The following EIF2B3 variants were observed in gnomAD, a reference collection of about 807,000 sequenced individuals.
The protein encoded by EIF2B3 is eukaryotic translation initiation factor 2B subunit gamma, also known as translation initiation factor eIF2B subunit gamma.
Under a neutral mutation model 54.1 loss-of-function variants are expected in EIF2B3, and 20 were observed. The observed-to-expected ratio is 0.37, with a 90% CI of 0.26 to 0.54. EIF2B3 has a LOEUF of 0.54. EIF2B3 is among the 20% of genes least tolerant of loss of function. The pLI is 0.86. For synonymous variants in EIF2B3, 153 were observed against 188.1 expected (o/e 0.81, Z 1.52); for missense variants, 448 against 547.8 (o/e 0.82, Z 1.82).
In EIF2B3 at chr1:44,982,147, T is replaced by A. The variant is rs577361625; in HGVS notation, c.-9-970A>T. ...ACAAACGTAGGCTTGTATCTGAACC[T>A]AGATTTACAGAACACAATTATAAAA... On this transcript the variant is annotated intron_variant, in intron 1 of 11. Coordinates refer to ENST00000360403, the MANE Select transcript of EIF2B3 (RefSeq NM_020365.5). Among the ~76,000 whole-genome samples, 261 of 152,240 alleles carry A rather than the reference T, an allele frequency of 1.7e-3. 1 individual carries two copies. The highest frequency in any genetic ancestry group is 6.0e-3 in the African/African-American group (248 of 41,538).
intron 5 of EIF2B3, among the ~76,000 whole-genome samples, chr1:44,910,399 T>C (rs537609823): frequency 2.6e-5 from 4 of 152,312 alleles, no homozygotes; most frequent in African/African-American, 9.6e-5. Context: ...TCTTTCCTAC[T>C]ACATGTAATG....
At chr1:44,874,462 ATCTT>A in intron 10 of EIF2B3, 1 of 564,564 alleles carries the variant, frequency 1.8e-6, no homozygotes, top group Non-Finnish European at 3.1e-6. Context: ...CTTGTTTCTG[ATCTT>A]TCTCTGTTTG....
Position 44,941,491 on chromosome 1 carries a change from T to C in EIF2B3, c.454+15A>G, listed in dbSNP as rs1309207483. 1 of 1,591,442 alleles carries C rather than the reference T, an allele frequency of 6.3e-7. No individual in the cohort carries two copies. The highest frequency in any genetic ancestry group is 8.5e-7 in the Non-Finnish European group (1 of 1,171,942). ...CGAAAACTCAACAAACAAAACAAAC[T>C]CCAATCTTCCTTACCTGCTTTTTTT... On this transcript the variant is annotated intron_variant, in intron 4 of 11. Transcript: ENST00000360403.
rs1472933165 is a variant in EIF2B3, at chr1:44,897,527, G to A, written c.567-83C>T. 2.6e-6 allele frequency: 3 copies of A among 1,142,896 alleles called. No individual in the cohort carries two copies. In the African/African-American group the frequency reaches 4.6e-5, roughly 18 times the overall value. The allele number at this position is 1,142,896 out of a possible 1,614,324, so 70.8% of individuals were successfully genotyped here. On this transcript the variant is annotated intron_variant, in intron 5 of 11. Transcript: ENST00000360403. ...GTCTCCATTCTATTATCAGGTAGTAGGCACTGGTAAGTTTATGAGGGTCAG... is the reference window on the plus strand; with the variant it reads ...GTCTCCATTCTATTATCAGGTAGTAAGCACTGGTAAGTTTATGAGGGTCAG...
chr1:44,913,457 A>G (rs1410756706), intron 5 of EIF2B3, among the ~76,000 whole-genome samples: 1 of 152,100 alleles, frequency 6.6e-6, no homozygotes, highest in Non-Finnish European at 1.5e-5. Context: ...GGGGTCAGCA[A>G]ACTACAGCCT....
rs1353334092 is a variant in EIF2B3 at position 44,942,425 on chromosome 1, T to A, written c.295-760A>T. Reference sequence around the variant, plus strand: ...TATATATATATATATATATTTTTTTTTTTTTTTTTTTTTTTTTTTCCAGAC... The same window carrying A: ...TATATATATATATATATATTTTTTTATTTTTTTTTTTTTTTTTTTCCAGAC... On this transcript the variant is annotated intron_variant, in intron 3 of 11. Transcript: ENST00000360403. 5.9e-3 allele frequency among the ~76,000 whole-genome samples: 306 copies of A among 51,520 alleles called. 38 individuals are homozygous for A. The highest frequency in any genetic ancestry group is 0.019 in the African/African-American group (200 of 10,312). 33.8% of individuals were successfully genotyped at this position (51,520 alleles called of 152,430 possible).
In EIF2B3 at chr1:44,914,985, C is replaced by T. The variant is rs184754079; in HGVS notation, c.566+11643G>A. Among the ~76,000 whole-genome samples, 785 of 151,512 alleles carry T rather than the reference C, an allele frequency of 5.2e-3. 10 individuals are homozygous for T. The highest frequency in any genetic ancestry group is 0.018 in the African/African-American group (752 of 41,416). ...ATTACAGGTGTGAGCCACCATGCCC[C>T]GCCCATTATTTTAAATTTTATTTTA... On this transcript the variant is annotated intron_variant, in intron 5 of 11. Transcript: ENST00000360403.
chr1:44,935,941 GTT>G (rs201524888), intron 4 of EIF2B3, among the ~76,000 whole-genome samples: 1 of 144,670 alleles, frequency 6.9e-6, no homozygotes. Flanking sequence ...TGGCATTTTG[GTT>G]TTTTTTTTTT....
intron 3 of EIF2B3, among the ~76,000 whole-genome samples, chr1:44,968,757 C>G (rs1345381730): frequency 3.3e-5 from 5 of 151,936 alleles, no homozygotes; most frequent in African/African-American, 9.7e-5. Context: ...ATTAGCCAGG[C>G]ATGGTGGCGT....
intron 8 of EIF2B3, among the ~76,000 whole-genome samples, chr1:44,876,046 G>A (rs914076207): frequency 3.9e-5 from 6 of 152,218 alleles, no homozygotes; most frequent in Admixed American, 1.3e-4. Flanking sequence ...TCGGCCTCCC[G>A]AGGTGCCGGG....
chr1:44,963,482 C>T (rs1409435958), intron 3 of EIF2B3, among the ~76,000 whole-genome samples: 1 of 152,008 alleles, frequency 6.6e-6, no homozygotes, highest in Admixed American at 6.6e-5. Context: ...GTTGTCCAGG[C>T]TAGTCTCAAA....
At chr1:44,951,422 C>T (rs1644159280) in intron 3 of EIF2B3, among the ~76,000 whole-genome samples, 1 of 152,014 alleles carries the variant, frequency 6.6e-6, no homozygotes, top group African/African-American at 2.4e-5. Flanking sequence ...CCATTTGTTA[C>T]ACTGATTTAT....
At chr1:44,877,551 C>G (rs1429581090) in intron 8 of EIF2B3, among the ~76,000 whole-genome samples, 1 of 152,180 alleles carries the variant, frequency 6.6e-6, no homozygotes, top group Non-Finnish European at 1.5e-5. Flanking sequence ...TCCTGGACCA[C>G]TGTGACCACG....
At chr1:44,945,274 A>T (rs1056054924) in intron 3 of EIF2B3, among the ~76,000 whole-genome samples, 3 of 151,118 alleles carry the variant, frequency 2.0e-5, no homozygotes, top group Admixed American at 2.0e-4. Flanking sequence ...AAAAGTTCCC[A>T]CTGGGCGCGG....
At chr1:44,939,249 C>T (rs151291349) in intron 4 of EIF2B3, among the ~76,000 whole-genome samples, 17 of 152,004 alleles carry the variant, frequency 1.1e-4, no homozygotes, top group Non-Finnish European at 2.5e-4. Flanking sequence ...CGTCTGATAT[C>T]TGGCTCTTCT....
chr1:44,929,575 T>C (rs906003215), intron 4 of EIF2B3, among the ~76,000 whole-genome samples: 1 of 152,226 alleles, frequency 6.6e-6, no homozygotes, highest in Non-Finnish European at 1.5e-5. Flanking sequence ...AAATGCCACA[T>C]AGCAGCTTAG....
intron 5 of EIF2B3, among the ~76,000 whole-genome samples, chr1:44,911,547 T>A (rs1643515377): frequency 6.6e-6 from 1 of 152,218 alleles, no homozygotes; most frequent in African/African-American, 2.4e-5. Flanking sequence ...CATTGTCAAA[T>A]GTAATTACAA....
chr1:44,971,208 C>G (rs1644396088), intron 3 of EIF2B3, among the ~76,000 whole-genome samples: 1 of 152,000 alleles, frequency 6.6e-6, no homozygotes, highest in South Asian at 2.1e-4. Flanking sequence ...TGGTGAAACC[C>G]TGGCTCTACT....
intron 3 of EIF2B3, chr1:44,959,237 G>T: frequency 1.4e-6 from 1 of 696,066 alleles, no homozygotes; most frequent in South Asian, 1.5e-5. Context: ...AAATCAGGGT[G>T]ATGGAGATGG....
Sources: allele counts gnomAD v4.1 joint callset (sites outside exome capture counted in the v4.1 genomes callset), GRCh38; gene constraint gnomAD v4.1.1; transcripts MANE v1.5; gene names NCBI Gene and HGNC (gene_info 2026-07-23, HGNC 2026-07-21).